The following PLA2G6 variants were observed in gnomAD, a reference collection of about 807,000 sequenced individuals.
The protein encoded by PLA2G6 is phospholipase A2 group VI.
In PLA2G6, 62 loss-of-function variants were observed where a neutral mutation model predicts 83.8. The ratio of observed to expected loss-of-function variants is 0.74; its 90% CI spans 0.60 to 0.91. The LOEUF (loss-of-function observed/expected upper bound fraction) is 0.91. Among genes scored for constraint, PLA2G6 ranks in the 40% least tolerant of loss-of-function variants. PLA2G6 has a pLI of 0.00. For synonymous variants in PLA2G6, 417 were observed against 449.8 expected, an observed-to-expected ratio of 0.93 and a Z score of 0.92; for missense variants, 944 against 1,102.0, an observed-to-expected ratio of 0.86 and a Z score of 2.03.
chr22:38,170,263 C>G (rs1484474029), intron 1 of PLA2G6, among the ~76,000 whole-genome samples: 1 of 151,964 alleles, frequency 6.6e-6, no homozygotes, highest in Non-Finnish European at 1.5e-5. Flanking sequence ...CAATGTCCCC[C>G]CTCCTAGATA....
At chr22:38,174,657 G>A (rs959169606) in intron 1 of PLA2G6, among the ~76,000 whole-genome samples, 5 of 152,206 alleles carry the variant, frequency 3.3e-5, no homozygotes, top group East Asian at 1.9e-4. Context: ...GGGAAATGGC[G>A]AGAGGCCTTC....
At chr22:38,148,245 T>C in intron 2 of PLA2G6, 1 of 430,848 alleles carries the variant, frequency 2.3e-6, no homozygotes, top group Non-Finnish European at 4.2e-6. Context: ...CAAAGATAGA[T>C]ATTTTTGAGG....
chr22:38,178,753 C>T lies in PLA2G6; in HGVS notation c.-46+2911G>A, dbSNP rs368215802. Among the ~76,000 whole-genome samples, 15 of 152,238 alleles carry T rather than the reference C, an allele frequency of 9.9e-5. No homozygotes were observed. The East Asian group carries it at 1.4e-3, about 14-fold the overall frequency. On this transcript the variant is annotated intron_variant, in intron 1 of 16. Coordinates refer to ENST00000332509, the MANE Select transcript of PLA2G6 (RefSeq NM_003560.4). ...TGGTGGCGTGCACCTGTAATTCCAG[C>T]TTCCTGGGAGACTGAGGTGGGAGAA...
At chr22:38,148,355 A>G in intron 2 of PLA2G6, 1 of 601,632 alleles carries the variant, frequency 1.7e-6, no homozygotes, top group Admixed American at 2.9e-5. Context: ...TCTCTCTCAG[A>G]ACTTCCACTT....
intron 2 of PLA2G6, chr22:38,149,486 G>C (rs2089450806): frequency 6.6e-6 from 1 of 152,090 alleles, no homozygotes; most frequent in Non-Finnish European, 1.5e-5. Context: ...TGGAGAGACA[G>C]AAGAATACAA....
chr22:38,125,674 G>A (rs1164904202), intron 10 of PLA2G6: 2 of 470,618 alleles, frequency 4.2e-6, no homozygotes, highest in African/African-American at 4.0e-5. Flanking sequence ...TCACCTCTCA[G>A]GGGCTCAGGT....
rs1556019600 is a variant in PLA2G6, at chr22:38,140,038, G to A, written c.741C>T (p.Asn247=). The A allele has an allele frequency of 6.2e-7, 1 of 1,613,042 alleles. No homozygotes were observed. The highest frequency in any genetic ancestry group is 8.5e-7 in the Non-Finnish European group (1 of 1,179,594). ...TGGGGTAGCCGTTGGGGCCCATGATGTTGCACCGAGCATTGCACAGCAGCA... is the reference window on the plus strand; with the variant it reads ...TGGGGTAGCCGTTGGGGCCCATGATATTGCACCGAGCATTGCACAGCAGCA... ...RVLLLCNARC[N]IMGPNGYPIH... The change falls in exon 5 of 17, where the codon AAC becomes AAT. Residue 247 remains asparagine (N), a synonymous_variant. Transcript: ENST00000332509.
At chr22:38,173,749 T>C (rs976665514) in intron 1 of PLA2G6, among the ~76,000 whole-genome samples, 3 of 152,136 alleles carry the variant, frequency 2.0e-5, no homozygotes. Context: ...GAATTGTACA[T>C]GTTCAAAGGG....
intron 2 of PLA2G6, among the ~76,000 whole-genome samples, chr22:38,166,178 T>C (rs1460985875): frequency 6.6e-6 from 1 of 152,214 alleles, no homozygotes; most frequent in East Asian, 1.9e-4. Context: ...GCTGTGGCCA[T>C]GTGACCGGGT....
chr22:38,113,738 A>G (rs1231178004), intron 14 of PLA2G6, 84 bp from the exon 15 acceptor site: 2 of 1,288,072 alleles, frequency 1.6e-6, no homozygotes, highest in African/African-American at 2.9e-5. Flanking sequence ...GAGGCCCAAG[A>G]CTGGGCTCTG....
intron 12 of PLA2G6, among the ~76,000 whole-genome samples, chr22:38,118,882 T>C (rs1454318615): frequency 1.3e-5 from 2 of 151,912 alleles, no homozygotes; most frequent in African/African-American, 4.8e-5. Flanking sequence ...GCCTCTCAAT[T>C]AGCTGGGACT....
intron 1 of PLA2G6, among the ~76,000 whole-genome samples, chr22:38,175,678 C>T (rs138198746): frequency 1.5e-3 from 236 of 152,262 alleles, no homozygotes; most frequent in African/African-American, 5.3e-3. Flanking sequence ...AATTCATACC[C>T]GCACCTCCGC....
At position 38,135,229 on chromosome 22, in the gene PLA2G6, T is replaced by C. The variant is rs540562416; in HGVS notation, c.798-145A>G. ...GCAAACCCAACCAGCACACTCACCA[T>C]GGTTAAGGCTGTACTGAGCCCCTCA... On this transcript the variant is annotated intron_variant, in intron 5 of 16. Transcript: ENST00000332509. The C allele has an allele frequency of 1.5e-4, 101 of 672,642 alleles. 1 individual carries two copies. In the African/African-American group the frequency reaches 1.6e-3, roughly 11 times the overall value. The allele number at this position is 672,642 out of a possible 1,614,324, so 41.7% of individuals were successfully genotyped here. A position where few individuals can be genotyped will look rare whatever the true frequency, so the allele number is the denominator to read the frequency against.
chr22:38,168,969 C>T (rs1457837099), intron 2 of PLA2G6, among the ~76,000 whole-genome samples: 1 of 152,160 alleles, frequency 6.6e-6, no homozygotes, highest in Admixed American at 6.5e-5. Flanking sequence ...CCATATAGGT[C>T]GAGCCTCCAG....
At chr22:38,127,430 C>G (rs2087931371) in intron 9 of PLA2G6, 1 of 1,331,052 alleles carries the variant, frequency 7.5e-7, no homozygotes, top group East Asian at 5.0e-5. Context: ...CACCCCAGGC[C>G]CACCATCCGG....
chr22:38,120,110 C>T (rs2087438782), intron 12 of PLA2G6, among the ~76,000 whole-genome samples: 2 of 152,172 alleles, frequency 1.3e-5, no homozygotes, highest in African/African-American at 4.8e-5. Context: ...CAAAACACTC[C>T]TCTTGGAACA....
At chr22:38,174,200 T>C (rs2090541894) in intron 1 of PLA2G6, among the ~76,000 whole-genome samples, 3 of 151,324 alleles carry the variant, frequency 2.0e-5, no homozygotes. Context: ...ATTGAGACCA[T>C]CCTGGCTAAC....
At chr22:38,120,672 C>T in intron 12 of PLA2G6, 87 bp downstream of exon 12, 3 of 1,513,356 alleles carry the variant, frequency 2.0e-6, no homozygotes, top group Non-Finnish European at 2.7e-6. Flanking sequence ...CTTCCCCCTC[C>T]CTCAGCAGGA....
intron 1 of PLA2G6, among the ~76,000 whole-genome samples, chr22:38,177,525 T>C (rs2145968741): frequency 6.7e-6 from 1 of 149,986 alleles, no homozygotes; most frequent in African/African-American, 2.5e-5. Flanking sequence ...TGCAATGGCG[T>C]GATCTTGGCT....
Sources: gnomAD v4.1 joint callset for allele counts (sites outside exome capture counted in the v4.1 genomes callset) on GRCh38, gnomAD v4.1.1 for gene constraint, MANE v1.5 for transcripts, NCBI Gene and HGNC (gene_info 2026-07-23, HGNC 2026-07-21) for gene names.